NT5M: variants seen among roughly 807,000 people sequenced by gnomAD.
NT5M encodes 5'(3')-deoxyribonucleotidase, mitochondrial.
A neutral mutation model predicts 22.2 loss-of-function variants in NT5M; 22 were observed. The observed-to-expected ratio is 0.99, with a 90% CI of 0.71 to 1.41. The LOEUF is 1.41. Among genes scored for constraint, NT5M ranks in the 40% most tolerant of loss-of-function variants. The pLI is 0.00. For missense variants in NT5M, 322 were observed against 314.8 expected, an observed-to-expected ratio of 1.02 and a Z score of -0.17; for synonymous variants, 167 against 133.0, an observed-to-expected ratio of 1.26 and a Z score of -1.76.
intron 3 of NT5M, among the ~76,000 whole-genome samples, chr17:17,323,891 A>T (rs2145376959): frequency 6.6e-6 from 1 of 151,994 alleles, no homozygotes; most frequent in East Asian, 2.0e-4. Flanking sequence ...ATTTTTTTTG[A>T]GACAGAGTTT....
In NT5M at chr17:17,303,380, G is replaced by T. The variant is rs1030895873; in HGVS notation, c.-171G>T. The T allele has an allele frequency of 1.3e-6, 1 of 781,488 alleles. No individual in the cohort carries two copies. Among genetic ancestry groups the T allele is most frequent in the African/African-American group, 1.9e-5 (1 of 53,166 alleles). 48.4% of individuals were successfully genotyped at this position (781,488 alleles called of 1,614,324 possible). ...CGCGCGCGCCGCGGCCTCGCTCTGG[G>T]GCCGGTACTTGCGCGCCCGCACCCC... On this transcript the variant is annotated 5_prime_UTR_variant, in exon 1 of 5. Transcript: ENST00000389022.
chr17:17,343,284 T>A (rs573972141), intron 3 of NT5M, among the ~76,000 whole-genome samples: 1 of 152,012 alleles, frequency 6.6e-6, no homozygotes, highest in Non-Finnish European at 1.5e-5. Flanking sequence ...CACGTGTCCA[T>A]GAAGGAATGT....
At chr17:17,343,450 G>C (rs1317077449) in intron 3 of NT5M, among the ~76,000 whole-genome samples, 3 of 152,238 alleles carry the variant, frequency 2.0e-5, no homozygotes, top group South Asian at 2.1e-4. Flanking sequence ...CTGCTCTGCA[G>C]ATCCGGCCCT....
chr17:17,319,961 G>T (rs1427629024), intron 2 of NT5M, among the ~76,000 whole-genome samples: 1 of 152,160 alleles, frequency 6.6e-6, no homozygotes, highest in Non-Finnish European at 1.5e-5. Flanking sequence ...TTCTGCCTCA[G>T]CCTCCCGAGT....
At chr17:17,338,726 A>ATTT (rs34156759) in intron 3 of NT5M, among the ~76,000 whole-genome samples, 11 of 41,352 alleles carry the variant, frequency 2.7e-4, no homozygotes, top group African/African-American at 7.0e-4. Context: ...TGTCATTGGT[A>ATTT]TTTTTTTTTT....
At chr17:17,319,855 T>G (rs560220846) in intron 2 of NT5M, among the ~76,000 whole-genome samples, 1 of 152,198 alleles carries the variant, frequency 6.6e-6, no homozygotes, top group Non-Finnish European at 1.5e-5. Flanking sequence ...CTTTCTTTCT[T>G]TATTTTGAGA....
chr17:17,319,059 A>C (rs901363101), intron 2 of NT5M, among the ~76,000 whole-genome samples: 3 of 151,696 alleles, frequency 2.0e-5, no homozygotes, highest in African/African-American at 7.3e-5. Context: ...AAAAATACAA[A>C]AATTAGCTGA....
intron 2 of NT5M, among the ~76,000 whole-genome samples, chr17:17,310,552 T>C (rs1208987887): frequency 6.6e-6 from 1 of 152,048 alleles, no homozygotes; most frequent in South Asian, 2.1e-4. Flanking sequence ...AAAAGATGCT[T>C]GAGGCCAGGT....
chr17:17,317,930 C>G (rs2049065304), intron 2 of NT5M, among the ~76,000 whole-genome samples: 1 of 133,484 alleles, frequency 7.5e-6, no homozygotes, highest in South Asian at 2.3e-4. Context: ...CCACTGGACT[C>G]CAGCCTAGGT....
chr17:17,345,647 A>C (rs950264959), intron 4 of NT5M, among the ~76,000 whole-genome samples: 7 of 150,496 alleles, frequency 4.7e-5, no homozygotes, highest in East Asian at 1.9e-4. Context: ...AAAAAAAAAA[A>C]AAAACACAAA....
At chr17:17,307,876 C>G (rs1221778734) in intron 2 of NT5M, among the ~76,000 whole-genome samples, 1 of 151,986 alleles carries the variant, frequency 6.6e-6, no homozygotes, top group Non-Finnish European at 1.5e-5. Context: ...AAAAGAAACC[C>G]TGTCTCTACT....
In NT5M at chr17:17,309,830, TG is replaced by T. The variant is rs200824448; in HGVS notation, c.368+3188del. Among the ~76,000 whole-genome samples, 688 of 147,668 alleles carry T rather than the reference TG, an allele frequency of 4.7e-3. 24 individuals are homozygous for T. Among genetic ancestry groups the T allele is most frequent in the African/African-American group, 0.014 (557 of 40,302 alleles). On this transcript the variant is annotated intron_variant, in intron 2 of 4. Transcript: ENST00000389022. ...CAAAAGTAAAAACTTTTGTGGTTTTTGTTTTTTTTTTTGAGACGGAGTCTCA... is the reference window on the plus strand; with the variant it reads ...CAAAAGTAAAAACTTTTGTGGTTTTTTTTTTTTTTTTGAGACGGAGTCTCA...
chr17:17,339,686 A>C (rs1185646739), intron 3 of NT5M, among the ~76,000 whole-genome samples: 2 of 152,198 alleles, frequency 1.3e-5, no homozygotes, highest in Non-Finnish European at 2.9e-5. Flanking sequence ...TTATCATGAA[A>C]GGATATTGAA....
At chr17:17,317,014 A>G (rs2049044589) in intron 2 of NT5M, among the ~76,000 whole-genome samples, 1 of 146,952 alleles carries the variant, frequency 6.8e-6, no homozygotes, top group Non-Finnish European at 1.5e-5. Flanking sequence ...GTGCCTGGCC[A>G]TAACTTAGGT....
chr17:17,312,177 C>T (rs540380858), intron 2 of NT5M, among the ~76,000 whole-genome samples: 4 of 152,332 alleles, frequency 2.6e-5, no homozygotes, highest in African/African-American at 4.8e-5. Flanking sequence ...CTGCTGTTGC[C>T]GCTCTGTAAG....
At chr17:17,324,924 T>G (rs1597777302) in intron 3 of NT5M, among the ~76,000 whole-genome samples, 1 of 152,300 alleles carries the variant, frequency 6.6e-6, no homozygotes, top group East Asian at 1.9e-4. Flanking sequence ...CTGCAGCCAG[T>G]AAATGTGGAT....
chr17:17,314,742 T>G (rs1445882802), intron 2 of NT5M, among the ~76,000 whole-genome samples: 1 of 152,194 alleles, frequency 6.6e-6, no homozygotes, highest in Non-Finnish European at 1.5e-5. Flanking sequence ...GTGCCACACG[T>G]GTTTCTGGTC....
intron 3 of NT5M, 41 bp downstream of exon 3, chr17:17,323,286 A>G (rs1382316890): frequency 2.0e-6 from 3 of 1,532,942 alleles, no homozygotes; most frequent in African/African-American, 2.7e-5. Flanking sequence ...TACCCCATGC[A>G]TCACAGGTGA....
At chr17:17,312,666 A>G (rs2048944694) in intron 2 of NT5M, among the ~76,000 whole-genome samples, 1 of 135,688 alleles carries the variant, frequency 7.4e-6, no homozygotes, top group Non-Finnish European at 1.6e-5. Context: ...AAAAAAATGT[A>G]TTCTAGCCTG....
Sources: allele counts gnomAD v4.1 joint callset (sites outside exome capture counted in the v4.1 genomes callset), GRCh38; gene constraint gnomAD v4.1.1; transcripts MANE v1.5; gene names NCBI Gene and HGNC (gene_info 2026-07-23, HGNC 2026-07-21).